GALNT15: variants seen among roughly 807,000 people sequenced by gnomAD.
The protein encoded by GALNT15 is UDP-GalNAc transferase T15.
In GALNT15, 67 loss-of-function variants were observed where a neutral mutation model predicts 66.8. The observed-to-expected ratio is 1.00, with a 90% confidence interval of 0.82 to 1.23. The LOEUF (loss-of-function observed/expected upper bound fraction) is 1.23. Ranked by LOEUF, GALNT15 falls within the 50% of genes most tolerant of loss-of-function variation. The probability of loss-of-function intolerance (pLI) is 0.00; values close to 1 mark genes in which losing one functional copy is unlikely to be tolerated. For missense variants in GALNT15, 827 were observed against 804.3 expected (o/e 1.03, Z -0.34); for synonymous variants, 313 against 311.5 (o/e 1.00, Z -0.05).
the GALNT15 span, among the ~76,000 whole-genome samples, chr3:16,241,383 A>T: frequency 6.6e-6 from 1 of 152,168 alleles, no homozygotes; most frequent in African/African-American, 2.4e-5. This position sits in a 1 kb window ranked among gnomAD's most constrained non-coding sequence, Gnocchi z 4.6. Context: ...AAGAGGTCTT[A>T]TTTGAGGTCA....
In GALNT15 at chr3:16,195,430, C is replaced by T. The variant is rs550374932; in HGVS notation, c.540-330C>T. ...ATTCTGATGCATGCTCAAGTGTGAG[C>T]GCTGTGAGGGTGATAATATTGTCAT... On this transcript the variant is annotated intron_variant, in intron 1 of 9. Transcript: ENST00000339732. The surrounding 1 kb of genome is among the most constrained non-coding windows in gnomAD (Gnocchi z 4.6). Among the ~76,000 whole-genome samples the T allele has an allele frequency of 1.4e-4, 21 of 152,092 alleles. No individual in the cohort carries two copies. The highest frequency in any genetic ancestry group is 2.6e-4 in the Admixed American group (4 of 15,278).
At chr3:16,212,114 T>C (rs1182096370) in intron 5 of GALNT15, among the ~76,000 whole-genome samples, 1 of 152,226 alleles carries the variant, frequency 6.6e-6, no homozygotes, top group Non-Finnish European at 1.5e-5. Flanking sequence ...AAAGACTGTG[T>C]CTCAGGAAAG....
chr3:16,194,433 T>C (rs569626714), intron 1 of GALNT15, among the ~76,000 whole-genome samples: 1 of 152,372 alleles, frequency 6.6e-6, no homozygotes, highest in East Asian at 1.9e-4. Context: ...ATTCTGGATA[T>C]TAGACCTTTG....
At chr3:16,178,527 C>A (rs1023315329) in intron 1 of GALNT15, among the ~76,000 whole-genome samples, 8 of 152,172 alleles carry the variant, frequency 5.3e-5, no homozygotes, top group Non-Finnish European at 8.8e-5. Context: ...CTGCTGGCCC[C>A]GGCTGGTGCG....
chr3:16,178,634 T>C (rs1471570535), intron 1 of GALNT15, among the ~76,000 whole-genome samples: 1 of 152,286 alleles, frequency 6.6e-6, no homozygotes, highest in East Asian at 1.9e-4. Flanking sequence ...CTCGCCTGCA[T>C]GCACAAGAGA....
Position 16,222,687 on chromosome 3 carries a change from G to A in GALNT15, c.1702G>A (p.Glu568Lys), listed in dbSNP as rs780049306. 8.1e-6 allele frequency: 13 copies of A among 1,614,122 alleles called. No individual in the cohort carries two copies. Among genetic ancestry groups the A allele is most frequent in the Middle Eastern group, 3.3e-4 (2 of 6,082 alleles). ...PQHLCFAVRQ[E>K]QVILQNCTEE... ...GCACCTGTGCTTTGCTGTCAGGCAG[G>A]AGCAGGTGATTCTTCAGAACTGCAC... Residue 568 changes from glutamate (E) to lysine (K), a missense_variant, in exon 9 of 10, where the codon GAG (glutamate) becomes AAG (lysine). Coordinates refer to ENST00000339732, the MANE Select transcript of GALNT15 (RefSeq NM_054110.5).
chr3:16,184,632 TA>T lies in GALNT15; in HGVS notation c.539+8943del, dbSNP rs1346401688. Among the ~76,000 whole-genome samples the T allele has an allele frequency of 2.0e-5, 3 of 152,344 alleles. No individual in the cohort carries two copies. Among genetic ancestry groups the T allele is most frequent in the Non-Finnish European group, 4.4e-5 (3 of 68,026 alleles). On this transcript the variant is annotated intron_variant, in intron 1 of 9. Coordinates refer to ENST00000339732, the MANE Select transcript of GALNT15 (RefSeq NM_054110.5). This position sits in a 1 kb window ranked among gnomAD's most constrained non-coding sequence, Gnocchi z 5.0. The stretch of plus-strand genomic sequence containing the variant: ...TAATAGGACATAAACTCCATGCTAT[TA>T]GGGGCTATCTTAGTTTAGGTTTCCC...
chr3:16,231,944 G>C, downstream of GALNT15: 1 of 1,524,120 alleles, frequency 6.6e-7, no homozygotes, highest in Non-Finnish European at 8.8e-7. This position sits in a 1 kb window ranked among gnomAD's most constrained non-coding sequence, Gnocchi z 4.1. Context: ...CACAGATCAA[G>C]GGTGGCATTG....
At chr3:16,205,253 C>T (rs1258810490) in intron 3 of GALNT15, among the ~76,000 whole-genome samples, 7 of 152,144 alleles carry the variant, frequency 4.6e-5, no homozygotes, top group Non-Finnish European at 5.9e-5. Flanking sequence ...TTCAAAATGG[C>T]TTGTGTATCA....
Position 16,184,228 on chromosome 3 carries a change from C to G in GALNT15, c.539+8538C>G, listed in dbSNP as rs911387783. On this transcript the variant is annotated intron_variant, in intron 1 of 9. Coordinates refer to ENST00000339732, the MANE Select transcript of GALNT15 (RefSeq NM_054110.5). This position sits in a 1 kb window ranked among gnomAD's most constrained non-coding sequence, Gnocchi z 5.0. The stretch of plus-strand genomic sequence containing the variant: ...CAAACCGAGATAGTAAAATATTCAC[C>G]GGATATTTCGTTGAAGCAGAGAAGT... 2.0e-5 allele frequency among the ~76,000 whole-genome samples: 3 copies of G among 152,156 alleles called. No homozygotes were observed. The highest frequency in any genetic ancestry group is 2.9e-5 in the Non-Finnish European group (2 of 68,038).
At chr3:16,235,001 C>T (rs1271319145), downstream of GALNT15, among the ~76,000 whole-genome samples, 1 of 151,372 alleles carries the variant, frequency 6.6e-6, no homozygotes, top group African/African-American at 2.4e-5. Flanking sequence ...CAGCTCACTG[C>T]AAGCTCTGCC....
intron 3 of GALNT15, among the ~76,000 whole-genome samples, chr3:16,207,815 T>C (rs1306543714): frequency 3.2e-4 from 49 of 152,248 alleles, no homozygotes. Context: ...GAGTGGCCCA[T>C]AGTTTTCCCC....
intron 8 of GALNT15, among the ~76,000 whole-genome samples, chr3:16,220,659 T>C (rs2063933049): frequency 6.6e-6 from 1 of 152,200 alleles, no homozygotes. Flanking sequence ...GACTTTTAAG[T>C]TATCACATCC....
Position 16,195,031 on chromosome 3 carries a change from C to T in GALNT15, c.540-729C>T, listed in dbSNP as rs1456822274. The stretch of plus-strand genomic sequence containing the variant: ...AGTGCTAACATTTAAAAATTGTGTG[C>T]CAGGTGCTATGCTAGGTTGTAGGAA... On this transcript the variant is annotated intron_variant, in intron 1 of 9. Coordinates refer to ENST00000339732, the MANE Select transcript of GALNT15 (RefSeq NM_054110.5). The surrounding 1 kb of genome is among the most constrained non-coding windows in gnomAD (Gnocchi z 4.6). 1.3e-5 allele frequency among the ~76,000 whole-genome samples: 2 copies of T among 152,082 alleles called. No individual in the cohort carries two copies. Among genetic ancestry groups the T allele is most frequent in the Non-Finnish European group, 2.9e-5 (2 of 68,010 alleles).
rs186632563 is a variant in GALNT15, at chr3:16,224,196, C to T, written c.1773+1438C>T. ...ATAAATAACTTCTAAAAGTTATTAT[C>T]ATTCAGCCAGAAAAAGGAATGAGGT... On this transcript the variant is annotated intron_variant, in intron 9 of 9. Transcript: ENST00000339732. This position sits in a 1 kb window ranked among gnomAD's most constrained non-coding sequence, Gnocchi z 5.2. Among the ~76,000 whole-genome samples, 3 of 152,310 alleles carry T rather than the reference C, an allele frequency of 2.0e-5. No homozygotes were observed. The East Asian group carries it at 5.8e-4, about 29-fold the overall frequency.
In GALNT15 at chr3:16,186,167, A is replaced by C. The variant is rs1184568787; in HGVS notation, c.540-9593A>C. Among the ~76,000 whole-genome samples, 1 of 152,272 alleles carries C rather than the reference A, an allele frequency of 6.6e-6. No homozygotes were observed. The highest frequency in any genetic ancestry group is 1.9e-4 in the East Asian group (1 of 5,206). On this transcript the variant is annotated intron_variant, in intron 1 of 9. Transcript: ENST00000339732. The surrounding 1 kb of genome is among the most constrained non-coding windows in gnomAD (Gnocchi z 5.1). ...GAATAGACATTTCTTCAAAGAAGACATAAAAATGGTCAATAGCACACGAAA... is the reference window on the plus strand; with the variant it reads ...GAATAGACATTTCTTCAAAGAAGACCTAAAAATGGTCAATAGCACACGAAA...
chr3:16,206,077 TAAG>T (rs1217247018), intron 3 of GALNT15, among the ~76,000 whole-genome samples: 1 of 152,210 alleles, frequency 6.6e-6, no homozygotes, highest in Admixed American at 6.5e-5. Flanking sequence ...ACTCCTTTGT[TAAG>T]AAGTACACAG....
Position 16,228,276 on chromosome 3 carries a change from T to G in GALNT15, c.*776T>G. The G allele has an allele frequency of 1.0e-6, 1 of 985,868 alleles. No individual in the cohort carries two copies. The allele number at this position is 985,868 out of a possible 1,614,324, so 61.1% of individuals were successfully genotyped here. A position where few individuals can be genotyped will look rare whatever the true frequency, so the allele number is the denominator to read the frequency against. ...TAACCAGATTCCCTTGCAATCGATT[T>G]CTCTTTAGTCGTTGGTGTTAGAAGT... On this transcript the variant is annotated 3_prime_UTR_variant, in exon 10 of 10. Transcript: ENST00000339732.
At chr3:16,232,839 C>A (rs79662035), downstream of GALNT15, among the ~76,000 whole-genome samples, 1 of 151,694 alleles carries the variant, frequency 6.6e-6, no homozygotes. Flanking sequence ...AGTGCAGATT[C>A]TGATTTGGTA....
Sources: gnomAD v4.1 joint callset for allele counts (sites outside exome capture counted in the v4.1 genomes callset) on GRCh38, gnomAD v4.1.1 for gene constraint, Gnocchi (gnomAD v3.1) non-coding constraint, MANE v1.5 for transcripts, NCBI Gene and HGNC (gene_info 2026-07-23, HGNC 2026-07-21) for gene names.